Variants in DAGLB observed in about 807,000 individuals in gnomAD.
DAGLB encodes diacylglycerol lipase-beta.
A neutral mutation model predicts 72.1 loss-of-function variants in DAGLB; 66 were observed. The ratio of observed to expected loss-of-function variants is 0.92; its 90% CI spans 0.75 to 1.12. The LOEUF (loss-of-function observed/expected upper bound fraction) is 1.12, where lower values mean the gene tolerates loss of function less well. DAGLB is among the 50% of genes most tolerant of loss of function. The pLI is 0.00. For missense variants in DAGLB, 1,065 were observed against 884.9 expected (o/e 1.20, Z -2.58); for synonymous variants, 414 against 359.5 (o/e 1.15, Z -1.71).
intron 2 of DAGLB, among the ~76,000 whole-genome samples, chr7:6,444,395 A>G (rs1784931438): frequency 6.6e-6 from 1 of 152,186 alleles, no homozygotes; most frequent in Non-Finnish European, 1.5e-5. Context: ...TGAGGTCAGG[A>G]GATCGAGACA....
rs1304114260 is a variant in DAGLB at position 6,410,241 on chromosome 7, G to T, written c.1709C>A (p.Ser570Tyr). 2.5e-6 allele frequency: 4 copies of T among 1,612,654 alleles called. No homozygotes were observed. Among genetic ancestry groups the T allele is most frequent in the Non-Finnish European group, 3.4e-6 (4 of 1,179,444 alleles). Residue 570 changes from serine (S) to tyrosine (Y), a missense_variant, in exon 14 of 15, where the codon TCC becomes TAC. Coordinates refer to ENST00000297056, the MANE Select transcript of DAGLB (RefSeq NM_139179.4). ...GTCGCTGGAGAAGCTGTAGGCCGGG[G>T]ACCAGCGCGTCAGTAGGCTCTGCTC... ...LGEQSLLTRW[S>Y]PAYSFSSDSP...
chr7:6,443,014 A>T (rs1239520111), intron 2 of DAGLB, among the ~76,000 whole-genome samples: 1 of 111,238 alleles, frequency 9.0e-6, no homozygotes, highest in South Asian at 3.0e-4. Context: ...TCTTCTAAAA[A>T]TACAAAAAAA....
At chr7:6,415,028 G>C (rs1783857099) in intron 11 of DAGLB, among the ~76,000 whole-genome samples, 1 of 152,026 alleles carries the variant, frequency 6.6e-6, no homozygotes, top group African/African-American at 2.4e-5. Context: ...GGATGTGGTG[G>C]TGTGCGCCTA....
At position 6,447,804 on chromosome 7, in the gene DAGLB, G is replaced by C. The variant is rs377453364; in HGVS notation, c.39C>G (p.Ile13Met). 1 of 1,613,280 alleles carries C rather than the reference G, an allele frequency of 6.2e-7. No individual in the cohort carries two copies. Among genetic ancestry groups the C allele is most frequent in the South Asian group, 1.1e-5 (1 of 90,976 alleles). The change falls in exon 1 of 15, where the codon ATC becomes ATG. Residue 13 changes from isoleucine (I) to methionine (M), a missense_variant. Transcript: ENST00000297056. ...GMVLFGRRWA[I>M]ASDDLVFPGF... ...CTGGGAAGACCAAGTCGTCGCTGGC[G>C]ATGGCCCAGCGCCGGCCGAAGAGTA... is the stretch of plus-strand genomic sequence containing the variant.
intron 6 of DAGLB, among the ~76,000 whole-genome samples, chr7:6,428,831 G>A (rs151141623): frequency 9.9e-5 from 15 of 151,920 alleles, no homozygotes; most frequent in African/African-American, 2.2e-4. Flanking sequence ...TTAAGACAGC[G>A]TCTTGCTCTG....
In DAGLB at chr7:6,411,412, C is replaced by T. The variant is rs554359388; in HGVS notation, c.1570-1032G>A. ...CAAGGCAAGCAGATTGCTTCAGCCC[C>T]GAAGTTTGAGACCAGCCTGGGCAAC... On this transcript the variant is annotated intron_variant, in intron 13 of 14. Transcript: ENST00000297056. 2.1e-3 allele frequency among the ~76,000 whole-genome samples: 317 copies of T among 152,242 alleles called. 2 individuals carry two copies. Among genetic ancestry groups the T allele is most frequent in the African/African-American group, 7.2e-3 (298 of 41,558 alleles).
At chr7:6,418,309 C>T (rs1006903637) in intron 9 of DAGLB, among the ~76,000 whole-genome samples, 3 of 152,074 alleles carry the variant, frequency 2.0e-5, no homozygotes, top group African/African-American at 7.2e-5. Flanking sequence ...TTCAAGGTTA[C>T]AGTGAACTAT....
intron 7 of DAGLB, among the ~76,000 whole-genome samples, chr7:6,425,037 T>A (rs1273266253): frequency 6.6e-6 from 1 of 152,162 alleles, no homozygotes; most frequent in East Asian, 1.9e-4. Context: ...CTGCTCTACA[T>A]GAAAAAGGAT....
At chr7:6,412,497 G>T in intron 13 of DAGLB, 5 of 334,096 alleles carry the variant, frequency 1.5e-5, no homozygotes, top group East Asian at 5.0e-5. Context: ...ACAGGGTCTT[G>T]TTGTGTTGCC....
At chr7:6,422,181 A>C (rs1784149762) in intron 8 of DAGLB, 1 of 360,960 alleles carries the variant, frequency 2.8e-6, no homozygotes, top group Non-Finnish European at 5.5e-6. Flanking sequence ...CGTGGAGAGG[A>C]GGAGGCCTAG....
intron 2 of DAGLB, among the ~76,000 whole-genome samples, chr7:6,440,332 C>G (rs1319940570): frequency 6.7e-6 from 1 of 150,062 alleles, no homozygotes; most frequent in Non-Finnish European, 1.5e-5. Flanking sequence ...TGCGGTGAGC[C>G]GAGATCATGC....
At position 6,424,893 on chromosome 7, in the gene DAGLB, A is replaced by C. The variant is rs73676747; in HGVS notation, c.1057-58T>G. The stretch of plus-strand genomic sequence containing the variant: ...ACAGTGAACACACGCACCAGCACGC[A>C]AAGTCGGAGCCCTGCAGTGTCTGCA... On this transcript the variant is annotated intron_variant, in intron 7 of 14. Coordinates refer to ENST00000297056, the MANE Select transcript of DAGLB (RefSeq NM_139179.4). 9 of 1,565,186 alleles carry C rather than the reference A, an allele frequency of 5.8e-6. No individual in the cohort carries two copies. In the East Asian group the frequency reaches 1.6e-4, roughly 27 times the overall value.
At chr7:6,439,970 C>G (rs977552527) in intron 2 of DAGLB, among the ~76,000 whole-genome samples, 2 of 145,368 alleles carry the variant, frequency 1.4e-5, no homozygotes, top group Non-Finnish European at 3.0e-5. Flanking sequence ...GAGAATCGGT[C>G]GAACCCAAGA....
At position 6,410,183 on chromosome 7, in the gene DAGLB, A is replaced by T; in HGVS notation, c.1767T>A (p.Pro589=). The T allele has an allele frequency of 1.3e-6, 2 of 1,594,740 alleles. No individual in the cohort carries two copies. The highest frequency in any genetic ancestry group is 1.7e-6 in the Non-Finnish European group (2 of 1,168,054). The part of the protein sequence containing the change: ...SPLDSSPKYP[P]LYPPGRIIHL... ...GGATGATCCTGCCGGGAGGGTAGAGAGGGGGGTACTTGGGAGAAGAGTCCA... is the reference window on the plus strand; with the variant it reads ...GGATGATCCTGCCGGGAGGGTAGAGTGGGGGGTACTTGGGAGAAGAGTCCA... Residue 589 remains proline (P), a synonymous_variant, in exon 14 of 15, where the codon CCT becomes CCA. Coordinates refer to ENST00000297056, the MANE Select transcript of DAGLB (RefSeq NM_139179.4).
chr7:6,446,606 G>T (rs983108770), intron 1 of DAGLB, among the ~76,000 whole-genome samples: 3 of 150,972 alleles, frequency 2.0e-5, no homozygotes, highest in Non-Finnish European at 4.4e-5. Flanking sequence ...ATGTTGCCCA[G>T]ACTGGTCTTG....
In DAGLB at chr7:6,416,660, C is replaced by A; in HGVS notation, c.1394G>T (p.Cys465Phe). ...MLRAAYPQVR[C>F]YAFSPPRGLW... ...CCCCCGGGGTGGGGAGAAGGCGTAG[C>A]ACCTGACCTGCGGGTAGGCGGCTCT... is the stretch of plus-strand genomic sequence containing the variant. The change falls in exon 11 of 15, where the codon TGC (cysteine) becomes TTC (phenylalanine). Residue 465 changes from cysteine (C) to phenylalanine (F), a missense_variant. Transcript: ENST00000297056. 5 of 1,613,534 alleles carry A rather than the reference C, an allele frequency of 3.1e-6. No homozygotes were observed. Among genetic ancestry groups the A allele is most frequent in the Non-Finnish European group, 4.2e-6 (5 of 1,179,740 alleles).
chr7:6,433,769 A>C (rs1784565511), intron 4 of DAGLB, among the ~76,000 whole-genome samples: 1 of 151,906 alleles, frequency 6.6e-6, no homozygotes, highest in Non-Finnish European at 1.5e-5. Context: ...AGGCAGGAGA[A>C]TCTCTCGAAC....
At chr7:6,432,658 T>TAAA in intron 5 of DAGLB, among the ~76,000 whole-genome samples, 179 bp downstream of exon 5, 1 of 84,326 alleles carries the variant, frequency 1.2e-5, no homozygotes, top group African/African-American at 5.9e-5. Context: ...AGACTCCGTC[T>TAAA]TAAAAAAAAA....
rs535515389 is a variant in DAGLB, at chr7:6,409,499, G to C, written c.*338C>G. The stretch of plus-strand genomic sequence containing the variant: ...GGTGGGAGGCTAAGGAACTGTTCAC[G>C]GTCTTCTGGGTGGGCCCTGGATTCC... On this transcript the variant is annotated 3_prime_UTR_variant, in exon 15 of 15. Coordinates refer to ENST00000297056, the MANE Select transcript of DAGLB (RefSeq NM_139179.4). 4 of 334,500 alleles carry C rather than the reference G, an allele frequency of 1.2e-5. No individual in the cohort carries two copies. The East Asian group carries it at 2.0e-4, about 16-fold the overall frequency. The allele number at this position is 334,500 out of a possible 1,614,324, so 20.7% of individuals were successfully genotyped here. A position where few individuals can be genotyped will look rare whatever the true frequency, so the allele number is the denominator to read the frequency against.
Sources: allele counts gnomAD v4.1 joint callset (sites outside exome capture counted in the v4.1 genomes callset), GRCh38; gene constraint gnomAD v4.1.1; transcripts MANE v1.5; gene names NCBI Gene and HGNC (gene_info 2026-07-23, HGNC 2026-07-21).